Variants in MYOM2 observed in about 807,000 individuals in gnomAD.
MYOM2 encodes myomesin-2.
A neutral mutation model predicts 187.6 loss-of-function variants in MYOM2; 254 were observed. The observed-to-expected ratio is 1.35, with a 90% CI of 1.22 to 1.50. MYOM2 has a LOEUF of 1.50. Among genes scored for constraint, MYOM2 ranks in the 40% most tolerant of loss-of-function variants. The pLI is 0.00. For synonymous variants in MYOM2, 981 were observed against 753.8 expected (o/e 1.30, Z -4.94); for missense variants, 2,796 against 1,924.0 (o/e 1.45, Z -8.48).
intron 6 of MYOM2, among the ~76,000 whole-genome samples, chr8:2,059,630 G>T (rs1398232051): frequency 6.6e-6 from 1 of 151,904 alleles, no homozygotes; most frequent in Non-Finnish European, 1.5e-5. Context: ...AATCAAAAAA[G>T]TATATGAAAT....
chr8:2,127,839 C>T (rs1310910811), intron 31 of MYOM2: 1 of 154,956 alleles, frequency 6.5e-6, no homozygotes, highest in African/African-American at 2.4e-5. Flanking sequence ...CTTCGTTCTT[C>T]CTCAACTCTG....
rs755269688 is a variant in MYOM2 at position 2,123,275 on chromosome 8, C to T, written c.3477C>T (p.Thr1159=). ...VCKVANTKKE[T]VFKWLKDDVL... ...AGGTTGCAAACACCAAGAAAGAAAC[C>T]GTTTTCAAATGGCTCAAGGATGATG... The change falls in exon 29 of 37, where the codon ACC becomes ACT. Residue 1159 remains threonine, a synonymous_variant. Coordinates refer to ENST00000262113, the MANE Select transcript of MYOM2 (RefSeq NM_003970.4). The T allele has an allele frequency of 2.1e-5, 34 of 1,612,660 alleles. No homozygotes were observed. The highest frequency in any genetic ancestry group is 2.6e-5 in the Non-Finnish European group (31 of 1,179,664).
intron 32 of MYOM2, among the ~76,000 whole-genome samples, chr8:2,131,301 T>A (rs563494349): frequency 5.5e-4 from 83 of 152,286 alleles, no homozygotes; most frequent in African/African-American, 1.9e-3. Context: ...ATTTTATAGA[T>A]GTGGAAACTG....
At chr8:2,085,513 TGGCCCCCCACTG>T (rs2116701930) in intron 14 of MYOM2, 123 bp downstream of exon 14, 3 of 929,398 alleles carry the variant, frequency 3.2e-6, no homozygotes, top group African/African-American at 1.9e-5. Context: ...GATCTCCGCG[TGGCCCCCCACTG>T]TTGTGATCTC....
chr8:2,131,447 C>G (rs1478594304), intron 32 of MYOM2, among the ~76,000 whole-genome samples: 1 of 151,740 alleles, frequency 6.6e-6, no homozygotes, highest in Non-Finnish European at 1.5e-5. Flanking sequence ...GAGGGTGGGT[C>G]CTAGATAGGC....
intron 2 of MYOM2, among the ~76,000 whole-genome samples, chr8:2,051,230 G>A (rs985667577): frequency 2.6e-5 from 4 of 152,310 alleles, no homozygotes; most frequent in South Asian, 2.1e-4. Flanking sequence ...AAAGGCTGTC[G>A]GTAGGAGAGA....
intron 1 of MYOM2, 142 bp from the exon 2 acceptor site, chr8:2,050,613 G>A: frequency 1.9e-6 from 1 of 532,762 alleles, no homozygotes; most frequent in Non-Finnish European, 3.4e-6. Flanking sequence ...GTGATTTCTG[G>A]CCATGTAATC....
chr8:2,062,480 G>A (rs1818883536), intron 6 of MYOM2, among the ~76,000 whole-genome samples: 1 of 152,138 alleles, frequency 6.6e-6, no homozygotes, highest in African/African-American at 2.4e-5. Flanking sequence ...GCTCGACTGG[G>A]CATTAGTGAA....
chr8:2,090,872 A>T (rs1796278562), intron 15 of MYOM2, among the ~76,000 whole-genome samples: 1 of 152,230 alleles, frequency 6.6e-6, no homozygotes, highest in South Asian at 2.1e-4. Flanking sequence ...TGTCATTGAC[A>T]GGCATTTGGG....
At position 2,068,123 on chromosome 8, in the gene MYOM2, C is replaced by T. The variant is rs559472349; in HGVS notation, c.654-1155C>T. Among the ~76,000 whole-genome samples the T allele has an allele frequency of 7.0e-4, 107 of 152,078 alleles. 1 individual carries two copies. Among genetic ancestry groups the T allele is most frequent in the Admixed American group, 1.6e-3 (25 of 15,278 alleles). Reference sequence around the variant, plus strand: ...ATCGTGGGCGCAGCTCTTCAATGCTCGTGTGCGCCAGGCAGAGAGCATACC... The same window carrying T: ...ATCGTGGGCGCAGCTCTTCAATGCTTGTGTGCGCCAGGCAGAGAGCATACC... On this transcript the variant is annotated intron_variant, in intron 6 of 36. Coordinates refer to ENST00000262113, the MANE Select transcript of MYOM2 (RefSeq NM_003970.4).
At chr8:2,108,854 C>G (rs763056867) in intron 24 of MYOM2, 24 bp downstream of exon 24, 1 of 1,612,894 alleles carries the variant, frequency 6.2e-7, no homozygotes, top group Non-Finnish European at 8.5e-7. Context: ...CAGCCCTTCC[C>G]CTCTGCTTGC....
intron 32 of MYOM2, among the ~76,000 whole-genome samples, chr8:2,134,005 CGCCTTGTGT>C (rs1797967810): frequency 1.3e-5 from 2 of 150,452 alleles, no homozygotes; most frequent in African/African-American, 2.5e-5. Flanking sequence ...CTGAGGTTAA[CGCCTTGTGT>C]AGCCACCTCC....
At chr8:2,077,574 G>A (rs918849697) in intron 11 of MYOM2, among the ~76,000 whole-genome samples, 1 of 152,112 alleles carries the variant, frequency 6.6e-6, no homozygotes, top group Admixed American at 6.5e-5. Context: ...GTTCTGCAGG[G>A]AGTGCTGTTC....
Position 2,106,295 on chromosome 8 carries a change from T to A in MYOM2, c.2788T>A (p.Phe930Ile). The part of the protein sequence containing the change: ...VDEQGNIYLG[F>I]DCQEMTDASQ... ...TGAACAAGGCAACATCTATCTGGGC[T>A]TCGACTGCCAGGAAATGACAGACGC... Residue 930 changes from phenylalanine to isoleucine, a missense_variant, in exon 22 of 37, where the codon TTC (phenylalanine) becomes ATC (isoleucine). By Grantham distance (21) the Phe-to-Ile change is conservative. Coordinates refer to ENST00000262113, the MANE Select transcript of MYOM2 (RefSeq NM_003970.4). 1 of 1,614,178 alleles carries A rather than the reference T, an allele frequency of 6.2e-7. No individual in the cohort carries two copies.
At chr8:2,076,368 C>T (rs1361020243) in intron 11 of MYOM2, 86 bp downstream of exon 11, 3 of 1,481,944 alleles carry the variant, frequency 2.0e-6, no homozygotes, top group Non-Finnish European at 2.7e-6. Flanking sequence ...TTTCTCAATG[C>T]AGGTTGACGT....
At position 2,136,008 on chromosome 8, in the gene MYOM2, C is replaced by T. The variant is rs1348151505; in HGVS notation, c.3801-4715C>T. On this transcript the variant is annotated intron_variant, in intron 32 of 36. Transcript: ENST00000262113. ...CAAGGTGAGCAGCCAGGGTTGCAGA[C>T]GCAGGGACAGCGGGAGCCTCTGCTG... 8.5e-5 allele frequency among the ~76,000 whole-genome samples: 13 copies of T among 152,306 alleles called. No homozygotes were observed. In the South Asian group the frequency reaches 1.0e-3, roughly 12 times the overall value.
intron 1 of MYOM2, among the ~76,000 whole-genome samples, chr8:2,049,570 G>C (rs1328079182): frequency 1.3e-5 from 2 of 152,200 alleles, no homozygotes; most frequent in African/African-American, 4.8e-5. Context: ...CCATGGCCCG[G>C]GATGTGGGTG....
At chr8:2,126,596 A>G (rs1797646646) in intron 31 of MYOM2, among the ~76,000 whole-genome samples, 2 of 152,086 alleles carry the variant, frequency 1.3e-5, no homozygotes, top group African/African-American at 4.8e-5. Flanking sequence ...AGACTCATAC[A>G]CAGGAGCCCT....
intron 25 of MYOM2, among the ~76,000 whole-genome samples, chr8:2,110,370 G>A (rs901332110): frequency 2.0e-5 from 3 of 152,116 alleles, no homozygotes; most frequent in Non-Finnish European, 4.4e-5. Flanking sequence ...TCCAGACACC[G>A]CCTCGGTTCT....
Sources: gnomAD v4.1 joint callset for allele counts (sites outside exome capture counted in the v4.1 genomes callset) on GRCh38, gnomAD v4.1.1 for gene constraint, MANE v1.5 for transcripts, NCBI Gene and HGNC (gene_info 2026-07-23, HGNC 2026-07-21) for gene names.